Variants in DPP10 observed in about 807,000 individuals in gnomAD.
DPP10 encodes dipeptidyl peptidase like 10, also known as inactive dipeptidyl peptidase 10.
A neutral mutation model predicts 120.9 loss-of-function variants in DPP10; 33 were observed. The ratio of observed to expected loss-of-function variants is 0.27; its 90% CI spans 0.21 to 0.37. The LOEUF (loss-of-function observed/expected upper bound fraction) is 0.37. Ranked by LOEUF, DPP10 falls within the 10% of genes least tolerant of loss-of-function variation. The pLI, the probability that DPP10 is intolerant of heterozygous loss-of-function variation, is 1.00. For missense variants in DPP10, 816 were observed against 942.8 expected (o/e 0.87, Z 1.76); for synonymous variants, 337 against 326.1 (o/e 1.03, Z -0.36).
In DPP10 at chr2:114,490,213, T is replaced by C. The variant is rs1573474135; in HGVS notation, c.60+47375T>C. Among the ~76,000 whole-genome samples, 3 of 151,150 alleles carry C rather than the reference T, an allele frequency of 2.0e-5. No individual in the cohort carries two copies. The South Asian group carries it at 6.3e-4, about 32-fold the overall frequency. Reference sequence around the variant, plus strand: ...AGAATCTCTTGCCCTCATGATCTTGTTCTGCATCTGGTAAGCTCCCCACAT... The same window carrying C: ...AGAATCTCTTGCCCTCATGATCTTGCTCTGCATCTGGTAAGCTCCCCACAT... On this transcript the variant is annotated intron_variant, in intron 1 of 25. Transcript: ENST00000410059.
At chr2:115,690,043 C>T (rs2091226345) in intron 7 of DPP10, 122 bp downstream of exon 7, 1 of 830,560 alleles carries the variant, frequency 1.2e-6, no homozygotes, top group Non-Finnish European at 1.9e-6. Context: ...TTCCCTAAGT[C>T]CTTTATATCT....
At chr2:114,829,072 A>G (rs1028562871) in intron 1 of DPP10, among the ~76,000 whole-genome samples, 7 of 152,214 alleles carry the variant, frequency 4.6e-5, no homozygotes, top group Admixed American at 4.6e-4. Flanking sequence ...GTGGATCACG[A>G]GGTCAGGAGT....
At chr2:115,580,803 A>G (rs1284099530) in intron 5 of DPP10, among the ~76,000 whole-genome samples, 1 of 152,128 alleles carries the variant, frequency 6.6e-6, no homozygotes, top group African/African-American at 2.4e-5. Context: ...TTCCCATCTT[A>G]CATATGTCAA....
intron 1 of DPP10, among the ~76,000 whole-genome samples, chr2:114,550,089 A>G (rs1306650400): frequency 2.0e-5 from 3 of 152,102 alleles, no homozygotes; most frequent in Admixed American, 6.5e-5. Flanking sequence ...TGCCCTGTCT[A>G]TTGCCACTGC....
chr2:115,268,475 C>T (rs972168135), intron 1 of DPP10, among the ~76,000 whole-genome samples: 8 of 152,068 alleles, frequency 5.3e-5, no homozygotes, highest in South Asian at 4.1e-4. Flanking sequence ...TCCTAAAATA[C>T]GATGCATTAT....
At chr2:114,960,497 A>G (rs1056371870) in intron 1 of DPP10, among the ~76,000 whole-genome samples, 1 of 151,976 alleles carries the variant, frequency 6.6e-6, no homozygotes, top group African/African-American at 2.4e-5. Flanking sequence ...AATTTTACTC[A>G]TTTAAGAAAG....
intron 3 of DPP10, among the ~76,000 whole-genome samples, chr2:115,358,936 C>T (rs945249018): frequency 1.3e-5 from 2 of 152,050 alleles, no homozygotes; most frequent in African/African-American, 2.4e-5. Flanking sequence ...GTAACCACCC[C>T]CATGATTCAA....
intron 1 of DPP10, among the ~76,000 whole-genome samples, chr2:114,645,567 G>T (rs139312849): frequency 6.6e-6 from 1 of 152,288 alleles, no homozygotes; most frequent in Non-Finnish European, 1.5e-5. Context: ...CAATTTTGAA[G>T]TTGTTTTGAC....
rs1559371292 is a variant in DPP10 at position 115,289,501 on chromosome 2, A to AATAG, written c.61-19737_61-19736insTAGA. ...ATAAGAAACCAAAAAAAAAAAAAAAAAAAGGAAGAAAAGAAAAGAAAAAAG... is the reference window on the plus strand; with the variant it reads ...ATAAGAAACCAAAAAAAAAAAAAAAAATAGAAAGGAAGAAAAGAAAAGAAAAAAG... On this transcript the variant is annotated intron_variant, in intron 1 of 25. Coordinates refer to ENST00000410059, the MANE Select transcript of DPP10 (RefSeq NM_020868.6). Among the ~76,000 whole-genome samples, 476 of 72,310 alleles carry AATAG rather than the reference A, an allele frequency of 6.6e-3. 3 individuals carry two copies. The highest frequency in any genetic ancestry group is 0.027 in the African/African-American group (447 of 16,612). The allele number at this position is 72,310 out of a possible 152,430, so 47.4% of individuals were successfully genotyped here.
At chr2:114,941,779 C>A (rs1006446114) in intron 1 of DPP10, among the ~76,000 whole-genome samples, 1 of 152,084 alleles carries the variant, frequency 6.6e-6, no homozygotes, top group Non-Finnish European at 1.5e-5. Context: ...AAGGCACATT[C>A]CTAGTTGCTA....
At chr2:115,322,349 T>C (rs1299023888) in intron 2 of DPP10, among the ~76,000 whole-genome samples, 3 of 152,216 alleles carry the variant, frequency 2.0e-5, no homozygotes, top group Non-Finnish European at 4.4e-5. Context: ...TATTCTGTTT[T>C]CCTTAATATT....
intron 1 of DPP10, among the ~76,000 whole-genome samples, chr2:115,301,535 C>T (rs567058368): frequency 2.7e-5 from 4 of 150,240 alleles, no homozygotes; most frequent in South Asian, 2.1e-4. Context: ...GCAATAATGC[C>T]GTGAAATGTC....
chr2:114,458,650 C>T (rs1221280846), intron 1 of DPP10, among the ~76,000 whole-genome samples: 1 of 152,134 alleles, frequency 6.6e-6, no homozygotes, highest in African/African-American at 2.4e-5. Context: ...ATCATCTGAA[C>T]CTTCTTTTCT....
At chr2:114,907,294 C>T (rs1166669050) in intron 1 of DPP10, among the ~76,000 whole-genome samples, 1 of 151,640 alleles carries the variant, frequency 6.6e-6, no homozygotes, top group Non-Finnish European at 1.5e-5. Context: ...TTTTTCTTTT[C>T]CATTAATTTC....
intron 1 of DPP10, among the ~76,000 whole-genome samples, chr2:114,641,437 G>A (rs1695699721): frequency 6.6e-6 from 1 of 151,882 alleles, no homozygotes; most frequent in South Asian, 2.1e-4. Context: ...GCAAACCTAA[G>A]ACACCTCCAA....
chr2:115,202,963 A>AC (rs1470248547), intron 1 of DPP10, among the ~76,000 whole-genome samples: 4 of 150,886 alleles, frequency 2.7e-5, no homozygotes, highest in Non-Finnish European at 5.9e-5. Context: ...AAACAAACAA[A>AC]AAACAACAAC....
chr2:115,487,251 A>G (rs993392366), intron 3 of DPP10, among the ~76,000 whole-genome samples: 2 of 136,266 alleles, frequency 1.5e-5, no homozygotes, highest in African/African-American at 2.8e-5. Flanking sequence ...ATGGAAGAAC[A>G]TTCCATGCTC....
At position 115,565,042 on chromosome 2, in the gene DPP10, G is replaced by A. The variant is rs144761311; in HGVS notation, c.441+39070G>A. 1.9e-4 allele frequency among the ~76,000 whole-genome samples: 29 copies of A among 152,122 alleles called. No individual in the cohort carries two copies. The East Asian group carries it at 5.2e-3, about 27-fold the overall frequency. On this transcript the variant is annotated intron_variant, in intron 5 of 25. Transcript: ENST00000410059. ...CTGGCCTTCTTATTTCCTGTGACAC[G>A]GAGAGCAAAATCATGAAAATGTTAT...
chr2:115,260,300 G>T (rs1482483901), intron 1 of DPP10, among the ~76,000 whole-genome samples: 2 of 152,008 alleles, frequency 1.3e-5, no homozygotes, highest in Non-Finnish European at 2.9e-5. Context: ...CTAGAAATGG[G>T]TTCAAATCAT....
Sources: gnomAD v4.1 joint callset for allele counts (sites outside exome capture counted in the v4.1 genomes callset) on GRCh38, gnomAD v4.1.1 for gene constraint, MANE v1.5 for transcripts, NCBI Gene and HGNC (gene_info 2026-07-23, HGNC 2026-07-21) for gene names.